H3-3A: variants seen among roughly 807,000 people sequenced by gnomAD.
H3-3A encodes histone H3.3.
For missense variants in H3-3A, 7 were observed against 184.0 expected, an observed-to-expected ratio of 0.04 and a Z score of 5.57; for synonymous variants, 49 against 61.4, an observed-to-expected ratio of 0.80 and a Z score of 0.95.
rs748498139 is a variant in H3-3A at position 226,064,363 on chromosome 1, A to G, written c.12A>G (p.Thr4=). Reference sequence around the variant, plus strand: ...GAGGTCTCTGTACCATGGCTCGTACAAAGCAGACTGCCCGCAAATCGACCG... The same window carrying G: ...GAGGTCTCTGTACCATGGCTCGTACGAAGCAGACTGCCCGCAAATCGACCG... MAR[T]KQTARKSTGG... is the part of the protein sequence containing the mutation. Residue 4 remains threonine (T), a synonymous_variant, in exon 2 of 4, where the codon ACA becomes ACG. Coordinates refer to ENST00000366815, the MANE Select transcript of H3-3A (RefSeq NM_002107.7). The G allele has an allele frequency of 5.0e-6, 8 of 1,613,220 alleles. No homozygotes were observed. The highest frequency in any genetic ancestry group is 4.4e-5 in the South Asian group (4 of 90,998).
At chr1:226,063,113 C>T (rs1014586302) in intron 1 of H3-3A, among the ~76,000 whole-genome samples, 3 of 152,048 alleles carry the variant, frequency 2.0e-5, no homozygotes, top group African/African-American at 4.8e-5. Flanking sequence ...CCGCCCCTTC[C>T]CCGGACCCCA....
intron 1 of H3-3A, 169 bp from the exon 2 acceptor site, chr1:226,064,160 A>G (rs1657842083): frequency 1.9e-6 from 1 of 522,412 alleles, no homozygotes; most frequent in Non-Finnish European, 3.5e-6. Flanking sequence ...TGTTTCAAGA[A>G]GAGATTTTGG....
chr1:226,066,526 A>C (rs1657930149), intron 3 of H3-3A: 2 of 152,226 alleles, frequency 1.3e-5, no homozygotes, highest in South Asian at 4.1e-4. Context: ...TTTGTGGTTT[A>C]AGTTAAGACC....
rs1295971892 is a variant in H3-3A, at chr1:226,069,978, G to GTACT, written c.283-1372_283-1371insACTT. Among the ~76,000 whole-genome samples the GTACT allele has an allele frequency of 3.3e-5, 5 of 150,228 alleles. No homozygotes were observed. The East Asian group carries it at 9.6e-4, about 29-fold the overall frequency. ...CCCCTTTTTCCTCTTCACAAGTTAA[G>GTACT]TGTCAATGAGTGATTCATACACTGT... is the stretch of plus-strand genomic sequence containing the variant. On this transcript the variant is annotated intron_variant, in intron 3 of 3. Transcript: ENST00000366815.
At chr1:226,063,058 C>T (rs930260225) in intron 1 of H3-3A, among the ~76,000 whole-genome samples, 1 of 152,082 alleles carries the variant, frequency 6.6e-6, no homozygotes, top group Non-Finnish European at 1.5e-5. Context: ...CTCCCTCCTC[C>T]TCCCCGCGCC....
At chr1:226,069,650 G>T (rs1446741441) in intron 3 of H3-3A, among the ~76,000 whole-genome samples, 1 of 152,054 alleles carries the variant, frequency 6.6e-6, no homozygotes, top group Non-Finnish European at 1.5e-5. Flanking sequence ...TGGCCAACAT[G>T]GTGAAACCCC....
intron 3 of H3-3A, chr1:226,067,221 G>A (rs1657958479): frequency 6.6e-6 from 1 of 152,082 alleles, no homozygotes; most frequent in African/African-American, 2.4e-5. Flanking sequence ...TAAACAATCT[G>A]GGTAAAAGAC....
upstream of H3-3A, among the ~76,000 whole-genome samples, chr1:226,062,471 C>T (rs1218805104): frequency 1.3e-5 from 2 of 149,358 alleles, no homozygotes; most frequent in Non-Finnish European, 3.0e-5. Context: ...AGCCGGCGGC[C>T]CCTCAGCGTG....
At chr1:226,067,001 A>C (rs1367292615) in intron 3 of H3-3A, 1 of 152,216 alleles carries the variant, frequency 6.6e-6, no homozygotes, top group Non-Finnish European at 1.5e-5. Flanking sequence ...CCATGTTTTT[A>C]CTTAAAACTT....
intron 3 of H3-3A, chr1:226,066,127 T>A (rs923990392): frequency 1.6e-5 from 7 of 450,314 alleles, no homozygotes; most frequent in Non-Finnish European, 2.8e-5. Context: ...TGCAGGACAT[T>A]AAGAAGAACT....
intron 3 of H3-3A, chr1:226,066,045 C>T: frequency 1.9e-6 from 1 of 513,594 alleles, no homozygotes; most frequent in Non-Finnish European, 3.5e-6. Context: ...TTCCATTATA[C>T]CATTTAAAAT....
intron 3 of H3-3A, 167 bp downstream of exon 3, chr1:226,065,976 C>G (rs930448068): frequency 4.6e-6 from 3 of 647,760 alleles, no homozygotes; most frequent in Non-Finnish European, 8.4e-6. Flanking sequence ...CAAGGTCATA[C>G]ACGTAGAAAA....
intron 2 of H3-3A, among the ~76,000 whole-genome samples, chr1:226,064,690 GC>G (rs2102736105): frequency 6.6e-6 from 1 of 152,164 alleles, no homozygotes; most frequent in African/African-American, 2.4e-5. Context: ...TAACTTTGAA[GC>G]CATAATCTTA....
At chr1:226,065,610 T>C in intron 2 of H3-3A, 46 bp from the exon 3 acceptor site, 3 of 1,418,682 alleles carry the variant, frequency 2.1e-6, no homozygotes, top group Non-Finnish European at 2.9e-6. Context: ...TACCTTTTTG[T>C]GCTAGTTATG....
At chr1:226,064,257 G>T (rs1057279829) in intron 1 of H3-3A, 72 bp from the exon 2 acceptor site, 1 of 1,036,922 alleles carries the variant, frequency 9.6e-7, no homozygotes, top group African/African-American at 1.6e-5. Context: ...TTGGGGAGGG[G>T]GTGATCGTGG....
intron 3 of H3-3A, among the ~76,000 whole-genome samples, chr1:226,068,406 G>A (rs1657993691): frequency 6.6e-6 from 1 of 152,194 alleles, no homozygotes; most frequent in African/African-American, 2.4e-5. Flanking sequence ...CTGATGGTTT[G>A]CTTGCATAGT....
At chr1:226,064,144 CTA>C (rs1169230954) in intron 1 of H3-3A, 183 bp from the exon 2 acceptor site, 2 of 496,212 alleles carry the variant, frequency 4.0e-6, no homozygotes, top group African/African-American at 3.9e-5. Context: ...TTCTAGTACT[CTA>C]GTTTGTTTCA....
intron 2 of H3-3A, 121 bp from the exon 3 acceptor site, chr1:226,065,535 A>G: frequency 1.6e-6 from 1 of 615,894 alleles, no homozygotes. Flanking sequence ...TTGATACTGA[A>G]GCTGAAGAAT....
At position 226,065,821 on chromosome 1, in the gene H3-3A, G is replaced by T. The variant is rs1233063007; in HGVS notation, c.282+12G>T. 1 of 1,580,606 alleles carries T rather than the reference G, an allele frequency of 6.3e-7. No homozygotes were observed. The highest frequency in any genetic ancestry group is 1.8e-5 in the Admixed American group (1 of 55,562). On this transcript the variant is annotated intron_variant, in intron 3 of 3. Coordinates refer to ENST00000366815, the MANE Select transcript of H3-3A (RefSeq NM_002107.7). The stretch of plus-strand genomic sequence containing the variant: ...TCGGTGCTTTGCAGGTAAAATGGTG[G>T]GTGGGAAGACTCAGAGTTTGTATTC...
Sources: gnomAD v4.1 joint callset for allele counts (sites outside exome capture counted in the v4.1 genomes callset) on GRCh38, gnomAD v4.1.1 for gene constraint, MANE v1.5 for transcripts, NCBI Gene and HGNC (gene_info 2026-07-23, HGNC 2026-07-21) for gene names.